Variants in CTNNA2 observed in about 807,000 individuals in gnomAD.
CTNNA2 encodes catenin alpha 2, also known as catenin alpha-2.
CTNNA2 carries 42 observed loss-of-function variants against 101.0 expected under a neutral mutation model. That is an observed-to-expected ratio of 0.42 (90% CI 0.32 to 0.54). The LOEUF (loss-of-function observed/expected upper bound fraction) is 0.54, where lower values mean the gene tolerates loss of function less well. CTNNA2 is among the 20% of genes least tolerant of loss of function. The pLI is 0.14. For synonymous variants in CTNNA2, 450 were observed against 456.4 expected (o/e 0.99, Z 0.18); for missense variants, 871 against 1,223.1 (o/e 0.71, Z 4.29).
chr2:80,066,942 T>C (rs933626434), intron 7 of CTNNA2, among the ~76,000 whole-genome samples: 1 of 152,174 alleles, frequency 6.6e-6, no homozygotes, highest in Admixed American at 6.5e-5. Flanking sequence ...TGCAAAAATA[T>C]AGATGAATCT....
intron 2 of CTNNA2, among the ~76,000 whole-genome samples, chr2:79,235,069 A>C (rs548561169): frequency 7.9e-5 from 12 of 152,226 alleles, no homozygotes; most frequent in African/African-American, 2.9e-4. Flanking sequence ...GAGGGGCTAG[A>C]GTGTCTGTTT....
chr2:79,776,875 A>G (rs918059641), intron 3 of CTNNA2: 6 of 152,172 alleles, frequency 3.9e-5, no homozygotes, highest in African/African-American at 1.4e-4. Context: ...TACAATTTCT[A>G]TATGTTTCTT....
chr2:79,267,269 AG>A (rs1674998205), intron 2 of CTNNA2, among the ~76,000 whole-genome samples: 1 of 152,170 alleles, frequency 6.6e-6, no homozygotes, highest in Non-Finnish European at 1.5e-5. Flanking sequence ...TATAAATAAC[AG>A]AAATTTACTT....
intron 7 of CTNNA2, among the ~76,000 whole-genome samples, chr2:80,076,475 A>C (rs977753103): frequency 6.6e-6 from 1 of 151,464 alleles, no homozygotes; most frequent in African/African-American, 2.4e-5. Flanking sequence ...TAAAACAGAG[A>C]TCTCACTATG....
At chr2:80,232,657 C>G (rs1709323721) in intron 7 of CTNNA2, among the ~76,000 whole-genome samples, 1 of 152,022 alleles carries the variant, frequency 6.6e-6, no homozygotes, top group Non-Finnish European at 1.5e-5. Flanking sequence ...TGGGCAGAAA[C>G]AAAGTGGGAC....
intron 7 of CTNNA2, among the ~76,000 whole-genome samples, chr2:80,163,929 C>A (rs1558865996): frequency 2.0e-5 from 3 of 151,220 alleles, no homozygotes; most frequent in African/African-American, 7.3e-5. Context: ...GCCAATTCTG[C>A]TTTTTTTCAT....
chr2:80,623,147 G>C (rs1465074535), intron 18 of CTNNA2, among the ~76,000 whole-genome samples: 2 of 150,668 alleles, frequency 1.3e-5, no homozygotes, highest in Non-Finnish European at 3.0e-5. Context: ...TTCCTCCTAA[G>C]TGTCTCTGGA....
intron 7 of CTNNA2, among the ~76,000 whole-genome samples, chr2:80,179,876 T>A (rs1463880872): frequency 1.3e-5 from 2 of 152,206 alleles, no homozygotes; most frequent in Non-Finnish European, 1.5e-5. Flanking sequence ...CTGTTAAGTA[T>A]GTCTATGCCA....
intron 2 of CTNNA2, among the ~76,000 whole-genome samples, chr2:79,285,216 A>G (rs1304651247): frequency 1.3e-5 from 2 of 150,582 alleles, no homozygotes; most frequent in Non-Finnish European, 3.0e-5. Flanking sequence ...TCCTGGATTC[A>G]TTAATTTTTT....
intron 7 of CTNNA2, among the ~76,000 whole-genome samples, chr2:80,059,232 G>A (rs1697418247): frequency 1.3e-5 from 2 of 152,064 alleles, no homozygotes; most frequent in Admixed American, 1.3e-4. Context: ...CCCCGGCTGG[G>A]TTCTCCTATC....
intron 7 of CTNNA2, among the ~76,000 whole-genome samples, chr2:79,912,019 A>G (rs1053539251): frequency 1.3e-5 from 2 of 152,232 alleles, no homozygotes; most frequent in South Asian, 4.1e-4. Flanking sequence ...AAATCAGTCT[A>G]TCGTTCCTGG....
At chr2:79,594,454 GA>G (rs1677062810) in intron 1 of CTNNA2, among the ~76,000 whole-genome samples, 1 of 152,110 alleles carries the variant, frequency 6.6e-6, no homozygotes, top group African/African-American at 2.4e-5. Flanking sequence ...CTACCTTATA[GA>G]ATCATTGTGA....
At chr2:80,132,091 G>A (rs964194287) in intron 7 of CTNNA2, among the ~76,000 whole-genome samples, 6 of 151,964 alleles carry the variant, frequency 3.9e-5, no homozygotes, top group Non-Finnish European at 8.8e-5. Flanking sequence ...CAAAAAACAT[G>A]TATATATAAA....
At chr2:80,505,366 C>T (rs190042680) in intron 9 of CTNNA2, among the ~76,000 whole-genome samples, 31 of 152,182 alleles carry the variant, frequency 2.0e-4, no homozygotes, top group Admixed American at 5.9e-4. Flanking sequence ...TAACTTGGAG[C>T]GAGTAACTAA....
chr2:79,566,158 A>G (rs1675100576), intron 1 of CTNNA2, among the ~76,000 whole-genome samples: 1 of 152,150 alleles, frequency 6.6e-6, no homozygotes. Flanking sequence ...ACATTTGTCT[A>G]GGGTCTATTA....
At chr2:79,765,732 G>C (rs1198328625) in intron 3 of CTNNA2, among the ~76,000 whole-genome samples, 1 of 152,110 alleles carries the variant, frequency 6.6e-6, no homozygotes, top group Non-Finnish European at 1.5e-5. Flanking sequence ...AAAGTTAAAG[G>C]CTACCTCCAG....
In CTNNA2 at chr2:80,576,424, G is replaced by A. The variant is rs1045492005; in HGVS notation, c.1893+2110G>A. On this transcript the variant is annotated intron_variant, in intron 13 of 18. Transcript: ENST00000402739. The stretch of plus-strand genomic sequence containing the variant: ...AGGCTTGTCCATTGGGATCTGTTAG[G>A]CACATAGGAATTTTCTGATTATCCC... The A allele has an allele frequency of 7.6e-5, 11 of 144,412 alleles. No homozygotes were observed. The East Asian group carries it at 8.0e-4, about 11-fold the overall frequency. The allele number at this position is 144,412 out of a possible 1,614,324, so 8.9% of individuals were successfully genotyped here.
chr2:79,664,061 T>C (rs1682226066), intron 2 of CTNNA2, among the ~76,000 whole-genome samples: 1 of 152,090 alleles, frequency 6.6e-6, no homozygotes, highest in African/African-American at 2.4e-5. Flanking sequence ...TTTTAAAAAG[T>C]GTGTATGAAT....
intron 2 of CTNNA2, among the ~76,000 whole-genome samples, chr2:79,691,016 A>G (rs370727379): frequency 4.6e-5 from 7 of 152,082 alleles, no homozygotes; most frequent in Non-Finnish European, 1.0e-4. Context: ...CACACACAAC[A>G]AAAGAAAGGT....
Sources: gnomAD v4.1 joint callset for allele counts (sites outside exome capture counted in the v4.1 genomes callset) on GRCh38, gnomAD v4.1.1 for gene constraint, MANE v1.5 for transcripts, NCBI Gene and HGNC (gene_info 2026-07-23, HGNC 2026-07-21) for gene names.